AQP4: variants seen among roughly 807,000 people sequenced by gnomAD.
AQP4 encodes the protein aquaporin-4.
Under a neutral mutation model 27.8 loss-of-function variants are expected in AQP4, and 18 were observed. The ratio of observed to expected loss-of-function variants is 0.65; its 90% CI spans 0.45 to 0.96. AQP4 has a LOEUF of 0.96. Ranked by LOEUF, AQP4 falls within the 40% of genes least tolerant of loss-of-function variation. The pLI is 0.00. For missense variants in AQP4, 412 were observed against 408.2 expected (o/e 1.01, Z -0.08); for synonymous variants, 141 against 142.9 (o/e 0.99, Z 0.10).
At position 26,861,210 on chromosome 18, in the gene AQP4, C is replaced by T; in HGVS notation, c.533G>A (p.Cys178Tyr). The T allele has an allele frequency of 1.9e-6, 3 of 1,614,092 alleles. No individual in the cohort carries two copies. The highest frequency in any genetic ancestry group is 2.5e-6 in the Non-Finnish European group (3 of 1,179,964). Residue 178 changes from cysteine to tyrosine, a missense_variant, in exon 3 of 5, where the codon TGT becomes TAT. By Grantham distance (194) the Cys-to-Tyr change is radical. Coordinates refer to ENST00000383168, the MANE Select transcript of AQP4 (RefSeq NM_001650.7). ...FQLVFTIFAS[C>Y]DSKRTDVTGS... is the part of the protein sequence containing the mutation. ...AGTGACATCAGTCCGTTTGGAATCACAGCTGGCAAAGATAGTAAACACCAA... is the reference window on the plus strand; with the variant it reads ...AGTGACATCAGTCCGTTTGGAATCATAGCTGGCAAAGATAGTAAACACCAA...
In AQP4 at chr18:26,853,235, G is replaced by A. The variant is rs565707284; in HGVS notation, c.*2976C>T. On this transcript the variant is annotated 3_prime_UTR_variant, in exon 5 of 5. Coordinates refer to ENST00000383168, the MANE Select transcript of AQP4 (RefSeq NM_001650.7). ...ATAAAAAGATAGTATAAGGGTTTAG[G>A]AAAAGCATCAATGGCAGAAATAAAG... The A allele has an allele frequency of 1.6e-4, 35 of 213,948 alleles. No individual in the cohort carries two copies. The highest frequency in any genetic ancestry group is 7.0e-4 in the African/African-American group (31 of 44,208). The allele number at this position is 213,948 out of a possible 1,614,324, so 13.3% of individuals were successfully genotyped here. A position where few individuals can be genotyped will look rare whatever the true frequency, so the allele number is the denominator to read the frequency against.
In AQP4 at chr18:26,856,469, G is replaced by T. The variant is rs372829102; in HGVS notation, c.714C>A (p.Ile238=). ...ENHWIYWVGP[I]IGAVLAGGLY... is the part of the protein sequence containing the mutation. ...GGCCACCAGCGAGGACAGCTCCTAT[G>T]ATGGGCCCAACCCAATATATCTAAG... Residue 238 remains isoleucine (I), a synonymous_variant, in exon 5 of 5, where the codon ATC becomes ATA. Coordinates refer to ENST00000383168, the MANE Select transcript of AQP4 (RefSeq NM_001650.7). 1 of 1,614,098 alleles carries T rather than the reference G, an allele frequency of 6.2e-7. No individual in the cohort carries two copies. Among genetic ancestry groups the T allele is most frequent in the Non-Finnish European group, 8.5e-7 (1 of 1,180,038 alleles).
At chr18:26,865,527 A>G in intron 1 of AQP4, 131 bp downstream of exon 1, 11 of 1,189,862 alleles carry the variant, frequency 9.2e-6, no homozygotes, top group Non-Finnish European at 1.4e-5. Context: ...ACTCAGATCT[A>G]AAAGAACCAC....
chr18:26,857,239 G>A (rs930561865), intron 4 of AQP4, among the ~76,000 whole-genome samples: 3 of 151,986 alleles, frequency 2.0e-5, no homozygotes, highest in African/African-American at 7.3e-5. Context: ...CGGTTCTCAC[G>A]ATGGCTTGGT....
In AQP4 at chr18:26,855,490, T is replaced by A. The variant is rs1400693268; in HGVS notation, c.*721A>T. ...CTCTGCCTCTACAAGATTTTACGAG[T>A]CTGCTTGTCTTGAATCTCAATAGGT... On this transcript the variant is annotated 3_prime_UTR_variant, in exon 5 of 5. Transcript: ENST00000383168. 6.6e-6 allele frequency: 1 copy of A among 152,304 alleles called. No individual in the cohort carries two copies. 9.4% of individuals were successfully genotyped at this position (152,304 alleles called of 1,614,324 possible).
At chr18:26,863,826 G>A (rs753233531) in intron 1 of AQP4, among the ~76,000 whole-genome samples, 2 of 152,192 alleles carry the variant, frequency 1.3e-5, no homozygotes, top group South Asian at 2.1e-4. Context: ...ACCTTGTGGA[G>A]CTTCTCTGGG....
In AQP4 at chr18:26,862,240, G is replaced by C. The variant is rs1384043903; in HGVS notation, c.389C>G (p.Ala130Gly). ...AGGTGTGACCAGATAGAGGATTCCT[G>C]CTCCAATGATGGCCCCCAGGCACTG... ...AAQCLGAIIG[A>G]GILYLVTPPS... is the part of the protein sequence containing the mutation. Residue 130 changes from alanine (A) to glycine (G), a missense_variant, in exon 2 of 5, where the codon GCA becomes GGA. Ala to Gly is a moderately conservative substitution (Grantham distance 60, BLOSUM62 0). Transcript: ENST00000383168. The C allele has an allele frequency of 1.9e-6, 3 of 1,614,176 alleles. No individual in the cohort carries two copies. The highest frequency in any genetic ancestry group is 1.6e-4 in the Middle Eastern group (1 of 6,062).
chr18:26,852,783 G>A lies in AQP4; in HGVS notation c.*3428C>T. On this transcript the variant is annotated 3_prime_UTR_variant, in exon 5 of 5. Coordinates refer to ENST00000383168, the MANE Select transcript of AQP4 (RefSeq NM_001650.7). Reference sequence around the variant, plus strand: ...TTTAGGTATAAAATGTTCTGAATTTGCAAATTCTATAGTGCTTATGAGAAT... The same window carrying A: ...TTTAGGTATAAAATGTTCTGAATTTACAAATTCTATAGTGCTTATGAGAAT... The A allele has an allele frequency of 2.5e-6, 1 of 398,446 alleles. No individual in the cohort carries two copies. The allele number at this position is 398,446 out of a possible 1,614,324, so 24.7% of individuals were successfully genotyped here. A position where few individuals can be genotyped will look rare whatever the true frequency, so the allele number is the denominator to read the frequency against.
At position 26,862,404 on chromosome 18, in the gene AQP4, A is replaced by C; in HGVS notation, c.225T>G (p.Leu75=). 1.2e-6 allele frequency: 2 copies of C among 1,614,240 alleles called. No individual in the cohort carries two copies. Among genetic ancestry groups the C allele is most frequent in the Non-Finnish European group, 1.7e-6 (2 of 1,180,042 alleles). ...TGGTTGCAATGCTGAGTCCAAAGCA[A>C]AGGGAGATGAGAACCATGTCGACCG... ...PLPVDMVLIS[L]CFGLSIATMV... Residue 75 remains leucine, a synonymous_variant, in exon 2 of 5, where the codon CTT becomes CTG. Coordinates refer to ENST00000383168, the MANE Select transcript of AQP4 (RefSeq NM_001650.7).
chr18:26,861,010 A>G, intron 3 of AQP4, 121 bp downstream of exon 3: 1 of 1,423,130 alleles, frequency 7.0e-7, no homozygotes, highest in Non-Finnish European at 9.9e-7. Context: ...ATTATAACCT[A>G]AAATGGACAG....
chr18:26,865,546 C>T (rs2055044187), intron 1 of AQP4, 112 bp downstream of exon 1: 5 of 1,363,386 alleles, frequency 3.7e-6, no homozygotes, highest in Non-Finnish European at 4.2e-6. Flanking sequence ...ACCCACCTGC[C>T]CTATAGCTGC....
chr18:26,861,224 A>G lies in AQP4; in HGVS notation c.519T>C (p.Thr173=), dbSNP rs2054936816. Residue 173 remains threonine (T), a synonymous_variant, in exon 3 of 5, where the codon ACT becomes ACC. Coordinates refer to ENST00000383168, the MANE Select transcript of AQP4 (RefSeq NM_001650.7). Reference sequence around the variant, plus strand: ...GTTTGGAATCACAGCTGGCAAAGATAGTAAACACCAATTGAAATGTGATTA... The same window carrying G: ...GTTTGGAATCACAGCTGGCAAAGATGGTAAACACCAATTGAAATGTGATTA... ...ELIITFQLVF[T]IFASCDSKRT... 6.2e-7 allele frequency: 1 copy of G among 1,614,008 alleles called. No individual in the cohort carries two copies. The highest frequency in any genetic ancestry group is 8.5e-7 in the Non-Finnish European group (1 of 1,179,944).
At chr18:26,865,457 G>C in intron 1 of AQP4, 1 of 689,496 alleles carries the variant, frequency 1.5e-6, no homozygotes, top group South Asian at 1.6e-5. Context: ...TGGAGGATTT[G>C]GCTAAAAAGC....
At position 26,856,485 on chromosome 18, in the gene AQP4, T is replaced by C; in HGVS notation, c.698A>G (p.Tyr233Cys). 1.2e-6 allele frequency: 2 copies of C among 1,614,104 alleles called. No homozygotes were observed. The highest frequency in any genetic ancestry group is 1.3e-5 in the African/African-American group (1 of 75,038). Reference sequence around the variant, plus strand: ...AGCTCCTATGATGGGCCCAACCCAATATATCTAAGGAAAAGATGGAAGAGG... The same window carrying C: ...AGCTCCTATGATGGGCCCAACCCAACATATCTAAGGAAAAGATGGAAGAGG... Reference protein sequence around the residue: ...IMGNWENHWIYWVGPIIGAVL... With the variant: ...IMGNWENHWICWVGPIIGAVL... The change falls in exon 5 of 5, where the codon TAT (tyrosine) becomes TGT (cysteine). Residue 233 changes from tyrosine (Y) to cysteine (C), a missense_variant. Tyr to Cys is a radical substitution (Grantham distance 194). Coordinates refer to ENST00000383168, the MANE Select transcript of AQP4 (RefSeq NM_001650.7).
chr18:26,862,305 C>T lies in AQP4; in HGVS notation c.324G>A (p.Arg108=), dbSNP rs1184830434. 4.3e-6 allele frequency: 7 copies of T among 1,614,226 alleles called. No homozygotes were observed. In the South Asian group the frequency reaches 7.7e-5, roughly 18 times the overall value. Residue 108 remains arginine (R), a synonymous_variant, in exon 2 of 5, where the codon AGG becomes AGA. Coordinates refer to ENST00000383168, the MANE Select transcript of AQP4 (RefSeq NM_001650.7). ...AGACAGACTTGGCGATGCTGATCTT[C>T]CTGGTGCACACCATGGCCACAGTCA... The part of the protein sequence containing the change: ...PAVTVAMVCT[R]KISIAKSVFY...
intron 1 of AQP4, among the ~76,000 whole-genome samples, chr18:26,865,048 T>G (rs954370263): frequency 6.6e-6 from 1 of 152,068 alleles, no homozygotes; most frequent in African/African-American, 2.4e-5. Context: ...CTTTTTTTTT[T>G]TTTTAAATCC....
At chr18:26,858,188 C>T (rs1207015375) in intron 4 of AQP4, among the ~76,000 whole-genome samples, 4 of 152,038 alleles carry the variant, frequency 2.6e-5, no homozygotes, top group Non-Finnish European at 4.4e-5. Flanking sequence ...AGGAGGATCA[C>T]TTGAGCCCAG....
Position 26,856,135 on chromosome 18 carries a change from C to G in AQP4, c.*76G>C. ...TGCACATTTCTAATTTATAACAAAT[C>G]TGTTTCCTTAATGGGTGGAAGGAAA... On this transcript the variant is annotated 3_prime_UTR_variant, in exon 5 of 5. Coordinates refer to ENST00000383168, the MANE Select transcript of AQP4 (RefSeq NM_001650.7). The G allele has an allele frequency of 1.3e-6, 2 of 1,544,058 alleles. No homozygotes were observed. The highest frequency in any genetic ancestry group is 1.8e-6 in the Non-Finnish European group (2 of 1,118,038).
chr18:26,862,309 G>A lies in AQP4; in HGVS notation c.320C>T (p.Thr107Ile), dbSNP rs1370874543. ...AGACTTGGCGATGCTGATCTTCCTG[G>A]TGCACACCATGGCCACAGTCACTGC... ...NPAVTVAMVC[T>I]RKISIAKSVF... Residue 107 changes from threonine (T) to isoleucine (I), a missense_variant, in exon 2 of 5, where the codon ACC (threonine) becomes ATC (isoleucine). Transcript: ENST00000383168. The A allele has an allele frequency of 1.2e-5, 19 of 1,614,070 alleles. No homozygotes were observed. Among genetic ancestry groups the A allele is most frequent in the Non-Finnish European group, 1.4e-5 (17 of 1,180,038 alleles).
Sources: gnomAD v4.1 joint callset for allele counts (sites outside exome capture counted in the v4.1 genomes callset) on GRCh38, gnomAD v4.1.1 for gene constraint, MANE v1.5 for transcripts, NCBI Gene and HGNC (gene_info 2026-07-23, HGNC 2026-07-21) for gene names.